MAP2K6: variants seen among roughly 807,000 people sequenced by gnomAD.
The protein encoded by MAP2K6 is mitogen-activated protein kinase kinase 6, also known as dual specificity mitogen-activated protein kinase kinase 6.
Under a neutral mutation model 53.7 loss-of-function variants are expected in MAP2K6, and 16 were observed. That is an observed-to-expected ratio of 0.30 (90% confidence interval 0.20 to 0.45). The LOEUF is 0.45. Ranked by LOEUF, MAP2K6 falls within the 20% of genes least tolerant of loss-of-function variation. The pLI is 1.00. For synonymous variants in MAP2K6, 132 were observed against 143.1 expected (o/e 0.92, Z 0.55); for missense variants, 204 against 411.9 (o/e 0.50, Z 4.37).
At chr17:69,505,684 C>A (rs767976063) in intron 1 of MAP2K6, 96 bp from the exon 2 acceptor site, 5 of 931,590 alleles carry the variant, frequency 5.4e-6, no homozygotes, top group Non-Finnish European at 8.9e-6. Context: ...ATGAGAGCTG[C>A]CTGTGCAGGT....
intron 1 of MAP2K6, among the ~76,000 whole-genome samples, chr17:69,459,061 A>G (rs1344833681): frequency 6.6e-6 from 1 of 152,208 alleles, no homozygotes; most frequent in Non-Finnish European, 1.5e-5. Flanking sequence ...GAGAAATTGG[A>G]TCTTACTGTG....
chr17:69,484,600 G>A (rs930177503), intron 1 of MAP2K6, among the ~76,000 whole-genome samples: 1 of 151,942 alleles, frequency 6.6e-6, no homozygotes, highest in African/African-American at 2.4e-5. Flanking sequence ...AATTAAAAAC[G>A]TATGCTCACT....
intron 1 of MAP2K6, among the ~76,000 whole-genome samples, chr17:69,475,780 C>T (rs552744184): frequency 8.3e-4 from 127 of 152,234 alleles, no homozygotes; most frequent in African/African-American, 2.9e-3. Context: ...GCCTCTGGTC[C>T]CAGGGGTGGT....
intron 1 of MAP2K6, among the ~76,000 whole-genome samples, chr17:69,452,500 G>A (rs900952487): frequency 5.3e-5 from 8 of 152,236 alleles, no homozygotes; most frequent in Admixed American, 5.2e-4. Flanking sequence ...GTATCACATT[G>A]TTTTTAAAGC....
chr17:69,522,890 CA>C (rs34231223), intron 7 of MAP2K6, among the ~76,000 whole-genome samples: 26,220 of 98,872 alleles, frequency 0.27, 2,482 homozygotes, highest in Middle Eastern at 0.37. Flanking sequence ...TCCTGTCTGT[CA>C]AAAAAAAAAA....
chr17:69,474,477 G>C (rs1214135178), intron 1 of MAP2K6, among the ~76,000 whole-genome samples: 1 of 152,178 alleles, frequency 6.6e-6, no homozygotes, highest in African/African-American at 2.4e-5. Context: ...ATCTCTGCCT[G>C]AACAGCAGTT....
At chr17:69,526,877 C>T (rs1422342357) in intron 10 of MAP2K6, among the ~76,000 whole-genome samples, 168 bp downstream of exon 10, 1 of 152,124 alleles carries the variant, frequency 6.6e-6, no homozygotes, top group African/African-American at 2.4e-5. Context: ...ACTCCCTGCC[C>T]TCACTGAGCC....
chr17:69,473,075 CTTTA>C (rs752834201), intron 1 of MAP2K6, among the ~76,000 whole-genome samples: 31 of 152,266 alleles, frequency 2.0e-4, no homozygotes, highest in South Asian at 6.2e-4. Context: ...GTGTCTTGGT[CTTTA>C]TTTAGAAATC....
chr17:69,475,166 T>G (rs796065855), intron 1 of MAP2K6, among the ~76,000 whole-genome samples: 6 of 117,482 alleles, frequency 5.1e-5, no homozygotes, highest in African/African-American at 1.3e-4. Context: ...AAATCTGTGT[T>G]TTTTTTTTTT....
Position 69,544,400 on chromosome 17 carries a change from A to T in MAP2K6, c.*2647A>T, listed in dbSNP as rs1598326245. ...TTTGGAAAACTGTGTTGTAAGTGCC[A>T]ATCAACCAACTTTTGAAAAAATCAA... On this transcript the variant is annotated 3_prime_UTR_variant, in exon 12 of 12. Coordinates refer to ENST00000590474, the MANE Select transcript of MAP2K6 (RefSeq NM_002758.4). The T allele has an allele frequency of 6.6e-6, 1 of 152,266 alleles. No individual in the cohort carries two copies. The highest frequency in any genetic ancestry group is 1.5e-5 in the Non-Finnish European group (1 of 68,052). 9.4% of individuals were successfully genotyped at this position (152,266 alleles called of 1,614,324 possible).
At chr17:69,462,237 G>A (rs1233296453) in intron 1 of MAP2K6, among the ~76,000 whole-genome samples, 1 of 152,092 alleles carries the variant, frequency 6.6e-6, no homozygotes, top group African/African-American at 2.4e-5. Flanking sequence ...CAGGGGACAG[G>A]TTAGCACCTC....
chr17:69,453,733 G>C (rs1400879790), intron 1 of MAP2K6, among the ~76,000 whole-genome samples: 1 of 152,064 alleles, frequency 6.6e-6, no homozygotes, highest in East Asian at 1.9e-4. Context: ...TTTGTCTTGG[G>C]TATAGTTCTT....
intron 1 of MAP2K6, among the ~76,000 whole-genome samples, chr17:69,443,200 C>A (rs1350083233): frequency 6.6e-6 from 1 of 152,152 alleles, no homozygotes; most frequent in Non-Finnish European, 1.5e-5. Flanking sequence ...CCCTCCTTCC[C>A]CTTCAAATCC....
intron 1 of MAP2K6, among the ~76,000 whole-genome samples, chr17:69,475,254 C>A (rs1015865561): frequency 6.6e-6 from 1 of 150,690 alleles, no homozygotes; most frequent in Non-Finnish European, 1.5e-5. Context: ...CTGCAAGCTC[C>A]GCCTCCCGGG....
chr17:69,425,661 T>C (rs989592558), intron 1 of MAP2K6, among the ~76,000 whole-genome samples: 1 of 152,238 alleles, frequency 6.6e-6, no homozygotes, highest in African/African-American at 2.4e-5. Context: ...GCAGAACAGC[T>C]ATACCTATGC....
intron 11 of MAP2K6, among the ~76,000 whole-genome samples, chr17:69,538,925 G>A (rs1439150404): frequency 1.3e-5 from 2 of 151,864 alleles, no homozygotes; most frequent in South Asian, 2.1e-4. Flanking sequence ...AGCCATATCC[G>A]ATGTGTTAAA....
intron 1 of MAP2K6, chr17:69,434,515 A>C (rs1481919038): frequency 6.6e-6 from 1 of 152,128 alleles, no homozygotes; most frequent in Non-Finnish European, 1.5e-5. Flanking sequence ...CTAGAGCTGG[A>C]GCTTCTGGGC....
intron 1 of MAP2K6, among the ~76,000 whole-genome samples, chr17:69,464,916 A>G (rs1337523286): frequency 1.3e-5 from 2 of 151,650 alleles, no homozygotes; most frequent in Non-Finnish European, 2.9e-5. Context: ...GGGTTTCACC[A>G]TGTTGGTCTG....
chr17:69,496,776 A>AT (rs771109692), intron 1 of MAP2K6, among the ~76,000 whole-genome samples: 2 of 151,540 alleles, frequency 1.3e-5, no homozygotes, highest in Non-Finnish European at 2.9e-5. Context: ...CTTAAGCTCC[A>AT]TTTGCCTGCT....
Sources: gnomAD v4.1 joint callset for allele counts (sites outside exome capture counted in the v4.1 genomes callset) on GRCh38, gnomAD v4.1.1 for gene constraint, MANE v1.5 for transcripts, NCBI Gene and HGNC (gene_info 2026-07-23, HGNC 2026-07-21) for gene names.